CLOCK: variants seen among roughly 807,000 people sequenced by gnomAD.
CLOCK encodes the protein clock circadian regulator, also known as circadian locomoter output cycles protein kaput.
CLOCK carries 43 observed loss-of-function variants against 118.4 expected under a neutral mutation model. The ratio of observed to expected loss-of-function variants is 0.36; its 90% confidence interval spans 0.28 to 0.47. The LOEUF is 0.47. Among genes scored for constraint, CLOCK ranks in the 20% least tolerant of loss-of-function variants. CLOCK has a pLI of 1.00. For synonymous variants in CLOCK, 326 were observed against 339.2 expected (o/e 0.96, Z 0.43); for missense variants, 846 against 999.9 (o/e 0.85, Z 2.08).
intron 2 of CLOCK, among the ~76,000 whole-genome samples, chr4:55,494,519 A>G (rs936971439): frequency 1.3e-5 from 2 of 152,106 alleles, no homozygotes; most frequent in Non-Finnish European, 2.9e-5. Context: ...AAAAGATGGC[A>G]AGTTAAAGGC....
At position 55,459,185 on chromosome 4, in the gene CLOCK, A is replaced by G. The variant is rs1334290535; in HGVS notation, c.636T>C (p.Tyr212=). 1.2e-6 allele frequency: 2 copies of G among 1,608,722 alleles called. No individual in the cohort carries two copies. The highest frequency in any genetic ancestry group is 2.7e-5 in the African/African-American group (2 of 74,852). ...ATTTGAAATTTCCTATAAATTTTACATATTCATAGGTAGATGGCTCCTTTG... is the reference window on the plus strand; with the variant it reads ...ATTTGAAATTTCCTATAAATTTTACGTATTCATAGGTAGATGGCTCCTTTG... ...IDPKEPSTYE[Y]VKFIGNFKSL... is the part of the protein sequence containing the mutation. Residue 212 remains tyrosine (Y), a synonymous_variant, in exon 10 of 23, where the codon TAT becomes TAC. Transcript: ENST00000513440.
intron 1 of CLOCK, among the ~76,000 whole-genome samples, chr4:55,536,325 T>C (rs1457721976): frequency 6.6e-6 from 1 of 152,160 alleles, no homozygotes; most frequent in African/African-American, 2.4e-5. Flanking sequence ...GCTCCTGATA[T>C]GGGTTGGATG....
At position 55,429,149 on chromosome 4, in the gene CLOCK, C is replaced by T. The variant is rs1350226049; in HGVS notation, c.*6266G>A. 1.3e-5 allele frequency: 2 copies of T among 152,036 alleles called. No homozygotes were observed. The highest frequency in any genetic ancestry group is 2.4e-5 in the African/African-American group (1 of 41,472). The allele number at this position is 152,036 out of a possible 1,614,324, so 9.4% of individuals were successfully genotyped here. On this transcript the variant is annotated 3_prime_UTR_variant, in exon 23 of 23. Transcript: ENST00000513440. The stretch of plus-strand genomic sequence containing the variant: ...TAGTCCAAGCCAACTCAAAAACACA[C>T]ATTATAAACATTTGAATGTCATTTT...
chr4:55,443,906 T>G lies in CLOCK; in HGVS notation c.1693-10A>C. The G allele has an allele frequency of 6.2e-7, 1 of 1,609,172 alleles. No homozygotes were observed. Among genetic ancestry groups the G allele is most frequent in the Non-Finnish European group, 8.5e-7 (1 of 1,177,688 alleles). On this transcript the variant is annotated splice_polypyrimidine_tract_variant and intron_variant, in intron 19 of 22. Coordinates refer to ENST00000513440, the MANE Select transcript of CLOCK (RefSeq NM_004898.4). ...ATTGTTGCAAAAACATCTTTAAAAA[T>G]AAAGATTATGTTAAAATGAGCTTTG...
chr4:55,518,774 T>C (rs1305691532), intron 1 of CLOCK, among the ~76,000 whole-genome samples: 1 of 152,196 alleles, frequency 6.6e-6, no homozygotes, highest in Non-Finnish European at 1.5e-5. Flanking sequence ...TCTCTAGAAC[T>C]GAAAACAATA....
At chr4:55,470,601 A>G (rs368527240) in intron 8 of CLOCK, 116 bp downstream of exon 8, 1 of 705,966 alleles carries the variant, frequency 1.4e-6, no homozygotes, top group African/African-American at 1.8e-5. Flanking sequence ...TAGAGCTCTG[A>G]TTCCTACCCC....
chr4:55,496,404 T>C (rs1269093881), intron 2 of CLOCK, among the ~76,000 whole-genome samples: 1 of 152,132 alleles, frequency 6.6e-6, no homozygotes, highest in Non-Finnish European at 1.5e-5. Context: ...CAATGATTGG[T>C]TATGTTGTTA....
chr4:55,430,297 C>G lies in CLOCK; in HGVS notation c.*5118G>C, dbSNP rs1560402839. 6.6e-6 allele frequency: 1 copy of G among 152,010 alleles called. No homozygotes were observed. Among genetic ancestry groups the G allele is most frequent in the Non-Finnish European group, 1.5e-5 (1 of 68,004 alleles). 9.4% of individuals were successfully genotyped at this position (152,010 alleles called of 1,614,324 possible). On this transcript the variant is annotated 3_prime_UTR_variant, in exon 23 of 23. Transcript: ENST00000513440. ...CTAAATAATGTTTCCCTGAGGAAACCCAGGCAGCTTACAAAATACTGTTAT... is the reference window on the plus strand; with the variant it reads ...CTAAATAATGTTTCCCTGAGGAAACGCAGGCAGCTTACAAAATACTGTTAT...
At chr4:55,489,808 G>A (rs533830034) in intron 2 of CLOCK, among the ~76,000 whole-genome samples, 1 of 152,250 alleles carries the variant, frequency 6.6e-6, no homozygotes, top group African/African-American at 2.4e-5. Flanking sequence ...ATTGAAGTTA[G>A]ATTGTTATAC....
At chr4:55,436,483 A>T (rs970081326) in intron 22 of CLOCK, among the ~76,000 whole-genome samples, 3 of 152,248 alleles carry the variant, frequency 2.0e-5, no homozygotes, top group African/African-American at 7.2e-5. Context: ...TAACAGAAAG[A>T]AAGTGAATTT....
intron 2 of CLOCK, among the ~76,000 whole-genome samples, chr4:55,491,106 A>T (rs541372926): frequency 1.8e-4 from 27 of 152,206 alleles, no homozygotes; most frequent in African/African-American, 6.5e-4. Flanking sequence ...AGAAATTAGA[A>T]AACATCTTGA....
At chr4:55,508,893 G>A (rs1728975090) in intron 2 of CLOCK, among the ~76,000 whole-genome samples, 2 of 152,104 alleles carry the variant, frequency 1.3e-5, no homozygotes, top group Admixed American at 1.3e-4. Flanking sequence ...CATATGTCGT[G>A]GGGATACATT....
intron 22 of CLOCK, among the ~76,000 whole-genome samples, chr4:55,437,890 G>T (rs1723014588): frequency 2.0e-5 from 3 of 152,196 alleles, no homozygotes; most frequent in East Asian, 3.9e-4. Context: ...ATAATTTAAG[G>T]TAACACCTAT....
chr4:55,475,102 A>G (rs1726413823), intron 7 of CLOCK, among the ~76,000 whole-genome samples: 2 of 152,228 alleles, frequency 1.3e-5, no homozygotes, highest in African/African-American at 2.4e-5. Context: ...AGATGGCATG[A>G]GAAGATTTCT....
intron 2 of CLOCK, among the ~76,000 whole-genome samples, chr4:55,503,957 T>C (rs890683321): frequency 2.6e-5 from 3 of 116,488 alleles, no homozygotes; most frequent in African/African-American, 8.7e-5. Flanking sequence ...GTTTCCACAG[T>C]TTCTATTTGG....
chr4:55,460,659 C>T (rs1725266459), intron 9 of CLOCK, among the ~76,000 whole-genome samples: 1 of 152,214 alleles, frequency 6.6e-6, no homozygotes, highest in Admixed American at 6.5e-5. Context: ...CACTCTGATT[C>T]AGTCTTGTCT....
intron 3 of CLOCK, among the ~76,000 whole-genome samples, chr4:55,484,291 A>G (rs911548567): frequency 6.6e-6 from 1 of 152,000 alleles, no homozygotes. Context: ...CCTGGCCTCA[A>G]GCAATCCTGC....
chr4:55,533,475 T>C (rs1270134209), intron 1 of CLOCK, among the ~76,000 whole-genome samples: 10 of 152,174 alleles, frequency 6.6e-5, no homozygotes, highest in Admixed American at 6.6e-4. Context: ...ACCTAAAAGT[T>C]TTGATTTCCG....
rs145886366 is a variant in CLOCK, at chr4:55,458,975, T to C, written c.709A>G (p.Ile237Val). 3.4e-5 allele frequency: 55 copies of C among 1,613,872 alleles called. No individual in the cohort carries two copies. The highest frequency in any genetic ancestry group is 2.0e-4 in the Admixed American group (12 of 59,990). ...TAAGATGGCCTATGTGTGCGTTGTA[T>C]AGTTCCTTCAAAACCATTGTGTGCT... ...SSAHNGFEGT[I>V]QRTHRPSYED... is the part of the protein sequence containing the mutation. The change falls in exon 11 of 23, where the codon ATA becomes GTA. Residue 237 changes from isoleucine to valine, a missense_variant. Around this residue, in one of 4 missense-constraint regions of CLOCK, gnomAD observed 246 missense variants for 300.2 expected, o/e 0.82. Transcript: ENST00000513440.
Sources: allele counts gnomAD v4.1 joint callset (sites outside exome capture counted in the v4.1 genomes callset), GRCh38; gene constraint gnomAD v4.1.1; regional missense constraint gnomAD v4.1.1; transcripts MANE v1.5; gene names NCBI Gene and HGNC (gene_info 2026-07-23, HGNC 2026-07-21).